Variants in KIF1A observed in about 807,000 individuals in gnomAD.
The protein encoded by KIF1A is kinesin-like protein KIF1A.
In KIF1A, 46 loss-of-function variants were observed where a neutral mutation model predicts 227.3. That is an observed-to-expected ratio of 0.20 (90% confidence interval 0.16 to 0.26). The LOEUF (loss-of-function observed/expected upper bound fraction) is 0.26, where lower values mean the gene tolerates loss of function less well. KIF1A is among the 10% of genes least tolerant of loss of function. The pLI is 1.00. For synonymous variants in KIF1A, 1,022 were observed against 1,012.8 expected, an observed-to-expected ratio of 1.01 and a Z score of -0.17; for missense variants, 1,683 against 2,485.9, an observed-to-expected ratio of 0.68 and a Z score of 6.87.
intron 20 of KIF1A, 62 bp downstream of exon 20, chr2:240,765,648 G>A (rs1438568310): frequency 7.5e-7 from 1 of 1,341,980 alleles, no homozygotes; most frequent in Non-Finnish European, 1.1e-6. Context: ...TTGGACATGG[G>A]AACAGAGGCC....
intron 23 of KIF1A, 44 bp from the exon 24 acceptor site, chr2:240,761,421 C>G (rs1411446845): frequency 6.6e-7 from 1 of 1,513,328 alleles, no homozygotes; most frequent in East Asian, 2.4e-5. Context: ...AAGGCCATGA[C>G]CCTGCCCACC....
Position 240,762,707 on chromosome 2 carries a change from G to A in KIF1A, c.2116+12C>T, listed in dbSNP as rs192836330. The A allele has an allele frequency of 3.2e-5, 51 of 1,575,202 alleles. No homozygotes were observed. In the Admixed American group the frequency reaches 3.4e-4, roughly 11 times the overall value. On this transcript the variant is annotated intron_variant, in intron 23 of 48. Coordinates refer to ENST00000498729, the MANE Select transcript of KIF1A (RefSeq NM_001244008.2). ...TCCTGACGCAGCAGGTGCTGGCCCA[G>A]TGACCCCTCACCTTCATCCTCGGGC...
chr2:240,776,428 C>T (rs2052734292), intron 10 of KIF1A, among the ~76,000 whole-genome samples: 1 of 152,228 alleles, frequency 6.6e-6, no homozygotes, highest in Non-Finnish European at 1.5e-5. Context: ...AGTTCACCCG[C>T]CCTCTCCCCC....
chr2:240,787,615 C>A (rs967998353), intron 4 of KIF1A, among the ~76,000 whole-genome samples: 18 of 152,182 alleles, frequency 1.2e-4, no homozygotes, highest in Non-Finnish European at 2.2e-4. Flanking sequence ...GTACTAGTGA[C>A]CAACTCACGT....
At chr2:240,805,736 A>G (rs1172218554) in intron 1 of KIF1A, among the ~76,000 whole-genome samples, 1 of 152,236 alleles carries the variant, frequency 6.6e-6, no homozygotes, top group African/African-American at 2.4e-5. Context: ...TAGACCATAA[A>G]GCAACTCCCA....
At chr2:240,750,402 C>G in intron 28 of KIF1A, 27 bp downstream of exon 28, 1 of 1,561,556 alleles carries the variant, frequency 6.4e-7, no homozygotes, top group South Asian at 1.1e-5. Context: ...GCTCCAATGC[C>G]ACACACGGCC....
intron 20 of KIF1A, among the ~76,000 whole-genome samples, chr2:240,764,894 C>T (rs1210388952): frequency 6.6e-6 from 1 of 152,110 alleles, no homozygotes; most frequent in Non-Finnish European, 1.5e-5. Context: ...CAAGTTCCCA[C>T]CCTGCCCCGA....
Position 240,741,285 on chromosome 2 carries a change from G to C in KIF1A, c.3733C>G (p.Leu1245Val). 1 of 1,595,762 alleles carries C rather than the reference G, an allele frequency of 6.3e-7. No individual in the cohort carries two copies. Among genetic ancestry groups the C allele is most frequent in the South Asian group, 1.1e-5 (1 of 88,346 alleles). The change falls in exon 35 of 49, where the codon CTG (leucine) becomes GTG (valine). Residue 1245 changes from leucine (L) to valine (V), a missense_variant. By Grantham distance (32) the Leu-to-Val change is conservative (BLOSUM62 1). Around this residue, in one of 12 missense-constraint regions of KIF1A, gnomAD observed 759 missense variants for 1,020.2 expected, o/e 0.74. Transcript: ENST00000498729. ...DLLVYFEICE[L>V]EANGDYIPAV... ...AGCACTCACTCGCCGTTGGCCTCCA[G>C]CTCACAGATCTCGAAGTAGACCAGC...
intron 1 of KIF1A, among the ~76,000 whole-genome samples, chr2:240,805,958 C>G (rs2057369328): frequency 6.6e-6 from 1 of 152,206 alleles, no homozygotes; most frequent in Admixed American, 6.5e-5. Context: ...GTTTTCATGT[C>G]CAGCCATGAC....
chr2:240,720,015 C>T (rs1405091554), intron 45 of KIF1A, 89 bp from the exon 46 acceptor site: 1 of 1,379,710 alleles, frequency 7.2e-7, no homozygotes, highest in Non-Finnish European at 9.7e-7. Context: ...CAGAGCACCT[C>T]AGAAGGTGCA....
chr2:240,730,115 C>G (rs985704597), intron 38 of KIF1A, among the ~76,000 whole-genome samples: 2 of 152,214 alleles, frequency 1.3e-5, no homozygotes, highest in Non-Finnish European at 2.9e-5. Context: ...CTATGCCCCT[C>G]AAGCCTCTAC....
At position 240,740,241 on chromosome 2, in the gene KIF1A, C is replaced by T. The variant is rs2047799904; in HGVS notation, c.3816+57G>A. The T allele has an allele frequency of 1.9e-6, 3 of 1,571,674 alleles. No individual in the cohort carries two copies. The highest frequency in any genetic ancestry group is 2.3e-5 in the East Asian group (1 of 44,284). On this transcript the variant is annotated intron_variant, in intron 36 of 48. Coordinates refer to ENST00000498729, the MANE Select transcript of KIF1A (RefSeq NM_001244008.2). The surrounding 1 kb of genome is among the most constrained non-coding windows in gnomAD (Gnocchi z 6.1). ...CAGGGTAGGGGCAGGGAGAGGCTCACACCTGGTGGGGTGGGGGAGGGGACA... is the reference window on the plus strand; with the variant it reads ...CAGGGTAGGGGCAGGGAGAGGCTCATACCTGGTGGGGTGGGGGAGGGGACA...
rs536513673 is a variant in KIF1A, at chr2:240,736,790, C to T, written c.4007+273G>A. Among the ~76,000 whole-genome samples, 12 of 152,348 alleles carry T rather than the reference C, an allele frequency of 7.9e-5. No homozygotes were observed. The highest frequency in any genetic ancestry group is 2.4e-4 in the African/African-American group (10 of 41,580). On this transcript the variant is annotated intron_variant, in intron 38 of 48. Transcript: ENST00000498729. The surrounding 1 kb of genome is among the most constrained non-coding windows in gnomAD (Gnocchi z 4.7). ...CAAAACTCCCGAGGACAGAACTCAG[C>T]TCATCTTCCAACCCCTGCGCTGGCC...
At chr2:240,786,721 AGGGGGTGGGGGCTGCCTGCTGGGCCCCTG>A (rs1559529695) in intron 5 of KIF1A, among the ~76,000 whole-genome samples, 15 of 109,580 alleles carry the variant, frequency 1.4e-4, no homozygotes, top group East Asian at 2.4e-4. Flanking sequence ...CCCCTGAGTG[AGGGGGTGGGGGCTGCCTGCTGGGCCCCTG>A]AGTGAGAGGG....
In KIF1A at chr2:240,723,404, C is replaced by T. The variant is rs1217444454; in HGVS notation, c.4464+9G>A. 1.3e-6 allele frequency: 2 copies of T among 1,542,986 alleles called. No homozygotes were observed. Among genetic ancestry groups the T allele is most frequent in the South Asian group, 2.4e-5 (2 of 83,328 alleles). ...ACCGTGCGGGCCTCATCCTCTGAGGCTGCCTCACCTCCTGCAGGAGGCTCA... is the reference window on the plus strand; with the variant it reads ...ACCGTGCGGGCCTCATCCTCTGAGGTTGCCTCACCTCCTGCAGGAGGCTCA... On this transcript the variant is annotated intron_variant, in intron 42 of 48. Transcript: ENST00000498729.
chr2:240,782,497 G>T, intron 10 of KIF1A, 93 bp downstream of exon 10: 1 of 1,360,842 alleles, frequency 7.3e-7, no homozygotes, highest in East Asian at 2.5e-5. Flanking sequence ...CGCACTCACT[G>T]CCCGCCCCGC....
Position 240,788,053 on chromosome 2 carries a change from G to A in KIF1A, c.361C>T (p.Gln121Ter), listed in dbSNP as rs1318848388. ...CCCGCCCGCCCCCCGCTTCGTGCCT[G>A]TGGGATGATGCCCTGCTGGTCCTTC... ...QEKDQQGIIP[Q>*]LCEDLFSRIN... The change falls in exon 4 of 49, where the codon CAG becomes TAG. Residue 121 changes from glutamine (Q) to a stop codon, truncating the protein, a stop_gained and splice_region_variant. Transcript: ENST00000498729. LOFTEE classifies it high-confidence loss of function. The surrounding 1 kb of genome is among the most constrained non-coding windows in gnomAD (Gnocchi z 6.6). 1 of 1,553,026 alleles carries A rather than the reference G, an allele frequency of 6.4e-7. No homozygotes were observed. Among genetic ancestry groups the A allele is most frequent in the Non-Finnish European group, 8.7e-7 (1 of 1,145,538 alleles).
intron 28 of KIF1A, among the ~76,000 whole-genome samples, chr2:240,749,132 A>T (rs1203560578): frequency 6.6e-6 from 1 of 152,128 alleles, no homozygotes; most frequent in Non-Finnish European, 1.5e-5. Flanking sequence ...TCCAAAAAAA[A>T]AAAAAGAAAA....
chr2:240,724,082 C>T, intron 40 of KIF1A, 46 bp from the exon 41 acceptor site: 2 of 1,523,672 alleles, frequency 1.3e-6, no homozygotes, highest in Non-Finnish European at 1.8e-6. Context: ...GGCCCCGCAA[C>T]AGGGACACAC....
Sources: allele counts gnomAD v4.1 joint callset (sites outside exome capture counted in the v4.1 genomes callset), GRCh38; gene constraint gnomAD v4.1.1; regional missense constraint gnomAD v4.1.1; non-coding constraint Gnocchi (gnomAD v3.1); transcripts MANE v1.5; gene names NCBI Gene and HGNC (gene_info 2026-07-23, HGNC 2026-07-21).